Variants in IGF1R observed in about 807,000 individuals in gnomAD.
The protein encoded by IGF1R is insulin like growth factor 1 receptor.
A neutral mutation model predicts 144.6 loss-of-function variants in IGF1R; 44 were observed. That is an observed-to-expected ratio of 0.30 (90% CI 0.24 to 0.39). IGF1R has a LOEUF of 0.39. IGF1R is among the 10% of genes least tolerant of loss of function. The pLI is 1.00. For missense variants in IGF1R, 1,355 were observed against 1,833.7 expected (o/e 0.74, Z 4.77); for synonymous variants, 795 against 722.8 (o/e 1.10, Z -1.60).
At chr15:98,805,906 T>A (rs1296496526) in intron 2 of IGF1R, among the ~76,000 whole-genome samples, 1 of 152,088 alleles carries the variant, frequency 6.6e-6, no homozygotes, top group Non-Finnish European at 1.5e-5. Context: ...GTTCTGACAC[T>A]CACCACCTGG....
At chr15:98,908,351 G>A (rs899105738) in intron 5 of IGF1R, among the ~76,000 whole-genome samples, 8 of 152,214 alleles carry the variant, frequency 5.3e-5, no homozygotes, top group Non-Finnish European at 8.8e-5. Flanking sequence ...TTTCAAGCAC[G>A]TTGTACATAC....
intron 1 of IGF1R, among the ~76,000 whole-genome samples, chr15:98,680,575 G>A (rs1045828989): frequency 5.3e-5 from 8 of 151,034 alleles, no homozygotes; most frequent in African/African-American, 1.9e-4. Context: ...CTTTTGTTTC[G>A]TTTTTAAGAG....
chr15:98,911,584 A>C, intron 7 of IGF1R, 143 bp downstream of exon 7: 1 of 1,035,838 alleles, frequency 9.7e-7, no homozygotes, highest in Non-Finnish European at 1.5e-6. Flanking sequence ...TCCCTACTTC[A>C]TCCTCATGCA....
chr15:98,689,581 A>G (rs542520348), intron 1 of IGF1R, among the ~76,000 whole-genome samples: 4 of 151,990 alleles, frequency 2.6e-5, no homozygotes, highest in Non-Finnish European at 5.9e-5. Flanking sequence ...GGGGTTTGTC[A>G]TAGATTGATT....
At chr15:98,910,214 A>G (rs911602220) in intron 6 of IGF1R, among the ~76,000 whole-genome samples, 6 of 152,070 alleles carry the variant, frequency 3.9e-5, no homozygotes, top group South Asian at 2.1e-4. Flanking sequence ...TGCTCACTCT[A>G]TCCCTGCAAA....
At chr15:98,911,524 G>A in intron 7 of IGF1R, 83 bp downstream of exon 7, 1 of 1,583,292 alleles carries the variant, frequency 6.3e-7, no homozygotes. Context: ...TGAATGGGCT[G>A]GCTGAATACA....
Position 98,960,931 on chromosome 15 carries a change from G to A in IGF1R, c.*3489G>A, listed in dbSNP as rs774117982. 7.1e-4 allele frequency: 167 copies of A among 233,820 alleles called. No homozygotes were observed. Among genetic ancestry groups the A allele is most frequent in the Non-Finnish European group, 1.1e-3 (131 of 118,228 alleles). The allele number at this position is 233,820 out of a possible 1,614,324, so 14.5% of individuals were successfully genotyped here. On this transcript the variant is annotated 3_prime_UTR_variant, in exon 21 of 21. Coordinates refer to ENST00000650285, the MANE Select transcript of IGF1R (RefSeq NM_000875.5). The stretch of plus-strand genomic sequence containing the variant: ...CCCCCCCCGCCAGGGCTGTACCTCC[G>A]TCTCCCTGGTCCTGCTGCTCACAGG...
At chr15:98,830,605 C>T (rs867672419) in intron 2 of IGF1R, among the ~76,000 whole-genome samples, 1,734 of 135,858 alleles carry the variant, frequency 0.013, 51 homozygotes, top group African/African-American at 0.046. Flanking sequence ...TGATCATCAT[C>T]TTTTTTTTTT....
chr15:98,875,835 C>G (rs967342096), intron 2 of IGF1R, among the ~76,000 whole-genome samples: 24 of 152,278 alleles, frequency 1.6e-4, no homozygotes, highest in African/African-American at 5.8e-4. Flanking sequence ...TAAGCGTGAC[C>G]TCCTTCAGTT....
chr15:98,857,839 A>C (rs930245956), intron 2 of IGF1R, among the ~76,000 whole-genome samples: 2 of 152,238 alleles, frequency 1.3e-5, no homozygotes, highest in African/African-American at 4.8e-5. Context: ...TTATTTTGAT[A>C]AGGATAACTG....
intron 2 of IGF1R, among the ~76,000 whole-genome samples, chr15:98,761,564 A>G (rs1337012359): frequency 6.6e-6 from 1 of 152,216 alleles, no homozygotes; most frequent in African/African-American, 2.4e-5. Flanking sequence ...GTGTGCAGGT[A>G]CTACCACTCA....
rs1192949160 is a variant in IGF1R at position 98,780,549 on chromosome 15, C to CAAA, written c.640+72466_640+72468dup. ...GGGCAAAAAGAATGAAACTCTGTCT[C>CAAA]AAAAAAAAAAAAAAAAAAAAAAAAA... On this transcript the variant is annotated intron_variant, in intron 2 of 20. Transcript: ENST00000650285. Among the ~76,000 whole-genome samples the CAAA allele has an allele frequency of 2.2e-3, 52 of 23,984 alleles. 1 individual carries two copies. Among genetic ancestry groups the CAAA allele is most frequent in the East Asian group, 5.1e-3 (3 of 588 alleles). 15.7% of individuals were successfully genotyped at this position (23,984 alleles called of 152,430 possible).
chr15:98,923,635 G>T, intron 11 of IGF1R: 1 of 532,114 alleles, frequency 1.9e-6, no homozygotes, highest in Non-Finnish European at 3.4e-6. Flanking sequence ...CTTGAGACGT[G>T]CAAGTTTTGT....
At chr15:98,732,634 G>A (rs2054520399) in intron 2 of IGF1R, among the ~76,000 whole-genome samples, 1 of 152,168 alleles carries the variant, frequency 6.6e-6, no homozygotes, top group South Asian at 2.1e-4. Context: ...AGTTGGGGCA[G>A]GTAGAGGAAA....
chr15:98,913,332 A>C, intron 8 of IGF1R, 50 bp downstream of exon 8: 158 of 1,398,354 alleles, frequency 1.1e-4, no homozygotes, highest in Non-Finnish European at 1.5e-4. Flanking sequence ...TCGCAAGCTC[A>C]CTGGCCTTGC....
Position 98,935,245 on chromosome 15 carries a change from G to C in IGF1R, c.3187-71G>C, listed in dbSNP as rs1371008802. 9.0e-7 allele frequency: 1 copy of C among 1,105,514 alleles called. No homozygotes were observed. Among genetic ancestry groups the C allele is most frequent in the Non-Finnish European group, 1.3e-6 (1 of 745,602 alleles). 68.5% of individuals were successfully genotyped at this position (1,105,514 alleles called of 1,614,324 possible). ...ACCAGGCCGCAGCACCACAGAGACA[G>C]TTCCAGACAACACAGGCATCAGCAA... is the stretch of plus-strand genomic sequence containing the variant. On this transcript the variant is annotated intron_variant, in intron 16 of 20. Coordinates refer to ENST00000650285, the MANE Select transcript of IGF1R (RefSeq NM_000875.5). This position sits in a 1 kb window ranked among gnomAD's most constrained non-coding sequence, Gnocchi z 4.2.
intron 2 of IGF1R, among the ~76,000 whole-genome samples, chr15:98,831,265 A>G (rs1483541934): frequency 8.5e-5 from 13 of 152,218 alleles, no homozygotes; most frequent in Admixed American, 8.5e-4. Flanking sequence ...TAGGATTTCA[A>G]CGTGTTCTAA....
At chr15:98,819,803 C>T (rs1421644630) in intron 2 of IGF1R, among the ~76,000 whole-genome samples, 1 of 151,962 alleles carries the variant, frequency 6.6e-6, no homozygotes, top group Non-Finnish European at 1.5e-5. Flanking sequence ...AAACTATATC[C>T]CACCCCAGTA....
chr15:98,867,098 A>G (rs1007830756), intron 2 of IGF1R, among the ~76,000 whole-genome samples: 2 of 151,570 alleles, frequency 1.3e-5, no homozygotes, highest in Non-Finnish European at 1.5e-5. Context: ...TTTTTTTTTA[A>G]TCTAACGGAG....
Sources: allele counts gnomAD v4.1 joint callset (sites outside exome capture counted in the v4.1 genomes callset), GRCh38; gene constraint gnomAD v4.1.1; non-coding constraint Gnocchi (gnomAD v3.1); transcripts MANE v1.5; gene names NCBI Gene and HGNC (gene_info 2026-07-23, HGNC 2026-07-21).